Variants in PIK3C2A observed in about 807,000 individuals in gnomAD.
PIK3C2A encodes the protein phosphatidylinositol 4-phosphate 3-kinase C2 domain-containing subunit alpha.
A neutral mutation model predicts 204.5 loss-of-function variants in PIK3C2A; 97 were observed. The observed-to-expected ratio is 0.47, with a 90% CI of 0.40 to 0.56. PIK3C2A has a LOEUF of 0.56. Among genes scored for constraint, PIK3C2A ranks in the 20% least tolerant of loss-of-function variants. PIK3C2A has a pLI of 0.00. For synonymous variants in PIK3C2A, 653 were observed against 664.4 expected (o/e 0.98, Z 0.26); for missense variants, 1,735 against 1,969.2 (o/e 0.88, Z 2.25).
rs180938958 is a variant in PIK3C2A at position 17,177,107 on chromosome 11, C to T, written c.-65-7301G>A. ...CAGGCAGTACTAATTCTCCACAATG[C>T]ACTTTAAAGTTATCTGGGTAAGTGT... On this transcript the variant is annotated intron_variant, in intron 1 of 32. Transcript: ENST00000691414. 1.6e-4 allele frequency among the ~76,000 whole-genome samples: 25 copies of T among 152,252 alleles called. No homozygotes were observed. The East Asian group carries it at 4.8e-3, about 29-fold the overall frequency.
intron 26 of PIK3C2A, among the ~76,000 whole-genome samples, chr11:17,099,135 T>A (rs957002078): frequency 5.3e-5 from 8 of 152,104 alleles, no homozygotes; most frequent in Non-Finnish European, 1.0e-4. Flanking sequence ...CCTCAGGTAA[T>A]CCGCCCGCCT....
intron 2 of PIK3C2A, among the ~76,000 whole-genome samples, chr11:17,164,230 T>C (rs1187809826): frequency 1.3e-5 from 2 of 151,796 alleles, no homozygotes; most frequent in South Asian, 2.1e-4. Context: ...CGTGTACCTA[T>C]AGTCCCAGCC....
intron 8 of PIK3C2A, among the ~76,000 whole-genome samples, chr11:17,140,800 GATA>G (rs1850039147): frequency 6.6e-6 from 1 of 152,116 alleles, no homozygotes; most frequent in Admixed American, 6.5e-5. Flanking sequence ...TACATTTTAT[GATA>G]TATAAATTAT....
Position 17,198,330 on chromosome 11 carries a change from G to A in PIK3C2A, c.-66+9518C>T, listed in dbSNP as rs111542483. Reference sequence around the variant, plus strand: ...TCACCATGTTGGCCAGGCTGGTCTCGAACTCCTGACCTCAGGTGATCCACC... The same window carrying A: ...TCACCATGTTGGCCAGGCTGGTCTCAAACTCCTGACCTCAGGTGATCCACC... On this transcript the variant is annotated intron_variant, in intron 1 of 32. Coordinates refer to ENST00000691414, the MANE Select transcript of PIK3C2A (RefSeq NM_002645.4). Among the ~76,000 whole-genome samples the A allele has an allele frequency of 2.2e-3, 326 of 148,644 alleles. 1 individual carries two copies. Among genetic ancestry groups the A allele is most frequent in the African/African-American group, 7.6e-3 (305 of 40,168 alleles).
rs1251585476 is a variant in PIK3C2A, at chr11:17,144,778, C to T, written c.1704+890G>A. On this transcript the variant is annotated intron_variant, in intron 8 of 32. Coordinates refer to ENST00000691414, the MANE Select transcript of PIK3C2A (RefSeq NM_002645.4). ...AGACATGGTGATGCATGCCTCTAAT[C>T]CCAGCTACTCAGGAGGCTGAGGCAG... Among the ~76,000 whole-genome samples, 5 of 151,520 alleles carry T rather than the reference C, an allele frequency of 3.3e-5. 1 individual carries two copies.
rs1473731649 is a variant in PIK3C2A, at chr11:17,087,422, GTTAAA to G, written c.*2311_*2315del. On this transcript the variant is annotated 3_prime_UTR_variant, in exon 33 of 33. Transcript: ENST00000691414. ...AATGAGTAAAGAAGGCACAAAATGA[GTTAAA>G]TTAAGAGAAAACATTACCACTTGTT... The G allele has an allele frequency of 3.3e-5, 5 of 152,132 alleles. No individual in the cohort carries two copies. Among genetic ancestry groups the G allele is most frequent in the Admixed American group, 6.6e-5 (1 of 15,266 alleles). 9.4% of individuals were successfully genotyped at this position (152,132 alleles called of 1,614,324 possible). A position where few individuals can be genotyped will look rare whatever the true frequency, so the allele number is the denominator to read the frequency against.
In PIK3C2A at chr11:17,092,287, AAAAC is replaced by A. The variant is rs781704398; in HGVS notation, c.4452-15_4452-12del. 2.6e-6 allele frequency: 3 copies of A among 1,163,828 alleles called. No homozygotes were observed. Among genetic ancestry groups the A allele is most frequent in the Non-Finnish European group, 3.8e-6 (3 of 779,326 alleles). 72.1% of individuals were successfully genotyped at this position (1,163,828 alleles called of 1,614,324 possible). A position where few individuals can be genotyped will look rare whatever the true frequency, so the allele number is the denominator to read the frequency against. On this transcript the variant is annotated splice_polypyrimidine_tract_variant and intron_variant, in intron 28 of 32. Coordinates refer to ENST00000691414, the MANE Select transcript of PIK3C2A (RefSeq NM_002645.4). ...ATCCTATTAGGAAAGCTACAAAAGA[AAAAC>A]AAAAACAAGTGGGATTTAAATAAGT...
intron 1 of PIK3C2A, among the ~76,000 whole-genome samples, chr11:17,178,442 T>C (rs1461027194): frequency 6.6e-6 from 1 of 152,180 alleles, no homozygotes; most frequent in Non-Finnish European, 1.5e-5. Context: ...GAAAAATTTA[T>C]CTTCCCCACA....
intron 4 of PIK3C2A, 23 bp downstream of exon 4, chr11:17,150,475 G>C (rs1360910865): frequency 6.4e-7 from 1 of 1,563,724 alleles, no homozygotes; most frequent in Non-Finnish European, 8.6e-7. Flanking sequence ...CAAAACGAGA[G>C]GCTTGAGGAA....
In PIK3C2A at chr11:17,174,825, C is replaced by T. The variant is rs182371125; in HGVS notation, c.-65-5019G>A. On this transcript the variant is annotated intron_variant, in intron 1 of 32. Transcript: ENST00000691414. ...GCTGAGGCAGAAGAATCCCTTGAACCCTGGAGGCAGAGATGGCAGTGAGCC... is the reference window on the plus strand; with the variant it reads ...GCTGAGGCAGAAGAATCCCTTGAACTCTGGAGGCAGAGATGGCAGTGAGCC... Among the ~76,000 whole-genome samples, 474 of 152,112 alleles carry T rather than the reference C, an allele frequency of 3.1e-3. 1 individual carries two copies. The highest frequency in any genetic ancestry group is 0.031 in the Middle Eastern group (9 of 294).
chr11:17,168,970 C>G lies in PIK3C2A; in HGVS notation c.772G>C (p.Val258Leu), dbSNP rs1213040117. 4 of 1,613,800 alleles carry G rather than the reference C, an allele frequency of 2.5e-6. No individual in the cohort carries two copies. The Admixed American group carries it at 6.7e-5, about 27-fold the overall frequency. The change falls in exon 2 of 33, where the codon GTA (valine) becomes CTA (leucine). Residue 258 changes from valine to leucine, a missense_variant. Coordinates refer to ENST00000691414, the MANE Select transcript of PIK3C2A (RefSeq NM_002645.4). ...CTGATATCCTCAGACTTTGGAGATACCTGTAGATTGCTGACTTTTGAATCT... is the reference window on the plus strand; with the variant it reads ...CTGATATCCTCAGACTTTGGAGATAGCTGTAGATTGCTGACTTTTGAATCT... ...ITDSKVSNLQ[V>L]SPKSEDISKF...
chr11:17,202,552 C>A (rs927219262), intron 1 of PIK3C2A, among the ~76,000 whole-genome samples: 3 of 151,596 alleles, frequency 2.0e-5, no homozygotes, highest in Non-Finnish European at 4.4e-5. Context: ...CCAGCCTGAG[C>A]GACACAGAGA....
chr11:17,150,962 C>A (rs1314889617), intron 3 of PIK3C2A, among the ~76,000 whole-genome samples: 4 of 152,180 alleles, frequency 2.6e-5, no homozygotes, highest in East Asian at 1.9e-4. Flanking sequence ...GCTTAAAAAT[C>A]TTTTGCCACA....
Position 17,169,813 on chromosome 11 carries a change from A to G in PIK3C2A, c.-65-7T>C. 2.1e-6 allele frequency: 2 copies of G among 953,100 alleles called. No individual in the cohort carries two copies. Among genetic ancestry groups the G allele is most frequent in the Non-Finnish European group, 1.6e-6 (1 of 641,418 alleles). The allele number at this position is 953,100 out of a possible 1,614,324, so 59.0% of individuals were successfully genotyped here. ...GCTTCCAAAATAGCAAGGCCTATAC[A>G]TAAAAATAAACATAACACTCAATTA... On this transcript the variant is annotated splice_region_variant and splice_polypyrimidine_tract_variant and intron_variant, in intron 1 of 32. Transcript: ENST00000691414.
chr11:17,186,472 A>G (rs1273997786), intron 1 of PIK3C2A, among the ~76,000 whole-genome samples: 4 of 152,220 alleles, frequency 2.6e-5, no homozygotes, highest in Non-Finnish European at 5.9e-5. Flanking sequence ...TAGTTGTTAA[A>G]CAAATAGGTG....
chr11:17,102,485 T>C (rs1295306607), intron 24 of PIK3C2A, among the ~76,000 whole-genome samples, 177 bp downstream of exon 24: 1 of 152,094 alleles, frequency 6.6e-6, no homozygotes, highest in Admixed American at 6.6e-5. Context: ...CAAAACAAAG[T>C]TTATACACAT....
chr11:17,092,000 A>G lies in PIK3C2A; in HGVS notation c.4638T>C (p.Ser1546=). 1 of 1,598,806 alleles carries G rather than the reference A, an allele frequency of 6.3e-7. No homozygotes were observed. ...RDEKAEGIAR[S]ADAGSFSPTP... ...AGAGAAAAAAAATAATCTCACCTGC[A>G]GACCTAGCTATCCCTTCAGCTTTCT... Residue 1546 remains serine (S), a synonymous_variant, in exon 30 of 33, where the codon TCT becomes TCC. Transcript: ENST00000691414.
intron 1 of PIK3C2A, among the ~76,000 whole-genome samples, chr11:17,176,795 A>G (rs1244836516): frequency 2.0e-5 from 3 of 152,192 alleles, no homozygotes; most frequent in Non-Finnish European, 2.9e-5. Context: ...CTAAAAAATA[A>G]AACAAAAACC....
At chr11:17,101,650 C>T (rs1479851726) in intron 24 of PIK3C2A, among the ~76,000 whole-genome samples, 2 of 148,930 alleles carry the variant, frequency 1.3e-5, no homozygotes, top group Non-Finnish European at 3.0e-5. Flanking sequence ...GTCGCCCAGG[C>T]TGGAGTGCAG....
Sources: allele counts gnomAD v4.1 joint callset (sites outside exome capture counted in the v4.1 genomes callset), GRCh38; gene constraint gnomAD v4.1.1; transcripts MANE v1.5; gene names NCBI Gene and HGNC (gene_info 2026-07-23, HGNC 2026-07-21).